The following UTRN variants were observed in gnomAD, a reference collection of about 807,000 sequenced individuals.
UTRN encodes the protein utrophin.
In UTRN, 283 loss-of-function variants were observed where a neutral mutation model predicts 463.9. That is an observed-to-expected ratio of 0.61 (90% CI 0.55 to 0.67). The LOEUF is 0.67. Ranked by LOEUF, UTRN falls within the 30% of genes least tolerant of loss-of-function variation. UTRN has a pLI of 0.00. For synonymous variants in UTRN, 1,442 were observed against 1,431.5 expected, an observed-to-expected ratio of 1.01 and a Z score of -0.17; for missense variants, 3,922 against 4,084.3, an observed-to-expected ratio of 0.96 and a Z score of 1.08.
chr6:144,398,228 G>C, intron 2 of UTRN: 1 of 264,328 alleles, frequency 3.8e-6, no homozygotes, highest in South Asian at 4.7e-5. Flanking sequence ...TGTGCTGTAG[G>C]TTTTTCCAGG....
At chr6:144,565,929 G>T (rs1213842637) in intron 50 of UTRN, among the ~76,000 whole-genome samples, 1 of 151,228 alleles carries the variant, frequency 6.6e-6, no homozygotes, top group Non-Finnish European at 1.5e-5. Flanking sequence ...TGACTTTTCT[G>T]TTAAAATGGA....
intron 2 of UTRN, among the ~76,000 whole-genome samples, chr6:144,304,863 A>G (rs913064060): frequency 1.3e-5 from 2 of 152,102 alleles, no homozygotes; most frequent in Non-Finnish European, 2.9e-5. Flanking sequence ...AATCTAAAAA[A>G]ATGTACAGGA....
chr6:144,611,106 A>G (rs930002164), intron 51 of UTRN, among the ~76,000 whole-genome samples: 11 of 152,214 alleles, frequency 7.2e-5, no homozygotes, highest in African/African-American at 2.4e-4. Context: ...AATTACAAAA[A>G]CCATATGTTC....
intron 52 of UTRN, among the ~76,000 whole-genome samples, chr6:144,694,423 T>A (rs960279070): frequency 6.6e-6 from 1 of 151,908 alleles, no homozygotes; most frequent in Non-Finnish European, 1.5e-5. Context: ...TAGGGAGGAG[T>A]TCTTCCTCCT....
chr6:144,558,751 G>T (rs1266441049), intron 50 of UTRN, among the ~76,000 whole-genome samples: 1 of 152,096 alleles, frequency 6.6e-6, no homozygotes, highest in East Asian at 1.9e-4. Flanking sequence ...AGAGAAAGAA[G>T]GAGGTGAAAG....
chr6:144,820,537 A>T (rs1352356873), intron 65 of UTRN, among the ~76,000 whole-genome samples: 4 of 152,130 alleles, frequency 2.6e-5, no homozygotes, highest in Non-Finnish European at 5.9e-5. Flanking sequence ...CAAATTGAAA[A>T]TTTTTTTAGT....
chr6:144,395,945 G>A (rs1331108178), intron 2 of UTRN, among the ~76,000 whole-genome samples: 1 of 152,126 alleles, frequency 6.6e-6, no homozygotes, highest in Non-Finnish European at 1.5e-5. Context: ...GTAAAATGAT[G>A]CAGCCACTAT....
chr6:144,735,669 CT>C (rs1160719818), intron 54 of UTRN, among the ~76,000 whole-genome samples: 1 of 152,058 alleles, frequency 6.6e-6, no homozygotes, highest in Admixed American at 6.6e-5. Context: ...TGTCTCCTTT[CT>C]TCCCTAGGAC....
At chr6:144,462,261 A>T (rs1169119142) in intron 22 of UTRN, among the ~76,000 whole-genome samples, 2 of 152,156 alleles carry the variant, frequency 1.3e-5, no homozygotes, top group African/African-American at 4.8e-5. Context: ...TTATGGCTGC[A>T]TAGTATTCCA....
chr6:144,360,336 C>T (rs561256027), intron 2 of UTRN, among the ~76,000 whole-genome samples: 6 of 151,700 alleles, frequency 4.0e-5, no homozygotes, highest in Non-Finnish European at 8.8e-5. Flanking sequence ...CCATGCCTGG[C>T]GAATTTTTAT....
chr6:144,600,715 A>G (rs1184452116), intron 51 of UTRN, among the ~76,000 whole-genome samples: 6 of 152,258 alleles, frequency 3.9e-5, no homozygotes, highest in African/African-American at 1.4e-4. Context: ...TATCCAGAAG[A>G]TGGAGCTAAG....
intron 2 of UTRN, among the ~76,000 whole-genome samples, chr6:144,393,161 G>T (rs922315782): frequency 6.6e-6 from 1 of 152,194 alleles, no homozygotes; most frequent in Admixed American, 6.5e-5. Flanking sequence ...GACTCCTCTT[G>T]TCAGAAAATA....
In UTRN at chr6:144,444,382, G is replaced by C; in HGVS notation, c.1614G>C (p.Gln538His). The change falls in exon 14 of 75, where the codon CAG (glutamine) becomes CAC (histidine). Residue 538 changes from glutamine to histidine, a missense_variant and splice_region_variant. Gln to His is a conservative substitution (Grantham distance 24). Coordinates refer to ENST00000367545, the MANE Select transcript of UTRN (RefSeq NM_007124.3). ...NILWQELLEEQCLLKAWLTEK... is the reference protein window; with the variant it reads ...NILWQELLEEHCLLKAWLTEK... ...TGTGGCAGGAATTATTGGAAGAACA[G>C]GTATGAAACTGTTTTCCATAAGGGG... The C allele has an allele frequency of 6.2e-7, 1 of 1,600,842 alleles. No homozygotes were observed. Among genetic ancestry groups the C allele is most frequent in the Non-Finnish European group, 8.5e-7 (1 of 1,172,954 alleles).
chr6:144,776,752 C>G (rs1391200829), intron 60 of UTRN, among the ~76,000 whole-genome samples: 1 of 152,146 alleles, frequency 6.6e-6, no homozygotes, highest in African/African-American at 2.4e-5. Context: ...TGTCTTAGCT[C>G]TTTGTATAGG....
intron 50 of UTRN, among the ~76,000 whole-genome samples, chr6:144,560,495 C>T (rs1376256960): frequency 6.6e-6 from 1 of 152,082 alleles, no homozygotes; most frequent in Non-Finnish European, 1.5e-5. Context: ...GGCCTTTTTA[C>T]CATGGCTGCC....
At chr6:144,803,824 C>CA (rs1777910644) in intron 65 of UTRN, among the ~76,000 whole-genome samples, 1 of 151,934 alleles carries the variant, frequency 6.6e-6, no homozygotes, top group Non-Finnish European at 1.5e-5. Flanking sequence ...AACTACATTG[C>CA]AATAGAATAA....
chr6:144,320,088 G>C (rs949949889), intron 2 of UTRN, among the ~76,000 whole-genome samples: 1 of 152,058 alleles, frequency 6.6e-6, no homozygotes, highest in African/African-American at 2.4e-5. Flanking sequence ...TCCTGACCTC[G>C]TGATCCGCCC....
intron 1 of UTRN, among the ~76,000 whole-genome samples, chr6:144,289,193 G>C (rs1803990223): frequency 6.6e-6 from 1 of 152,202 alleles, no homozygotes; most frequent in South Asian, 2.1e-4. Flanking sequence ...CTCCCAGCCT[G>C]CTATCCTCAG....
intron 52 of UTRN, 129 bp from the exon 53 acceptor site, chr6:144,699,958 A>T: frequency 3.1e-6 from 2 of 642,890 alleles, no homozygotes; most frequent in Admixed American, 7.7e-5. Flanking sequence ...ACAAGGAGTC[A>T]GTCTCTTTTG....
Sources: allele counts gnomAD v4.1 joint callset (sites outside exome capture counted in the v4.1 genomes callset), GRCh38; gene constraint gnomAD v4.1.1; transcripts MANE v1.5; gene names NCBI Gene and HGNC (gene_info 2026-07-23, HGNC 2026-07-21).